SPIN1: variants seen among roughly 807,000 people sequenced by gnomAD.
The protein encoded by SPIN1 is spindlin 1, also known as spindlin-1.
Under a neutral mutation model 26.0 loss-of-function variants are expected in SPIN1, and 3 were observed. That is an observed-to-expected ratio of 0.12 (90% CI 0.05 to 0.30). The LOEUF (loss-of-function observed/expected upper bound fraction) is 0.30, where lower values mean the gene tolerates loss of function less well. Ranked by LOEUF, SPIN1 falls within the 10% of genes least tolerant of loss-of-function variation. The pLI is 1.00. For missense variants in SPIN1, 126 were observed against 333.4 expected (o/e 0.38, Z 4.84); for synonymous variants, 101 against 116.5 (o/e 0.87, Z 0.86).
rs561763008 is a variant in SPIN1, at chr9:88,462,371, C to T, written c.102-125C>T. The T allele has an allele frequency of 1.4e-5, 19 of 1,344,988 alleles. No homozygotes were observed. In the South Asian group the frequency reaches 2.3e-4, roughly 16 times the overall value. The allele number at this position is 1,344,988 out of a possible 1,614,324, so 83.3% of individuals were successfully genotyped here. On this transcript the variant is annotated intron_variant, in intron 3 of 5. Coordinates refer to ENST00000375859, the MANE Select transcript of SPIN1 (RefSeq NM_006717.3). The stretch of plus-strand genomic sequence containing the variant: ...TGAGTCACCTGAAGCAGGAATGTGG[C>T]AAACATGAGTTTGTACATATTTTGG...
At chr9:88,424,172 G>T (rs1464943203) in intron 1 of SPIN1, among the ~76,000 whole-genome samples, 1 of 152,168 alleles carries the variant, frequency 6.6e-6, no homozygotes, top group Non-Finnish European at 1.5e-5. Flanking sequence ...ATGTGGCTCA[G>T]AGATATTGCA....
chr9:88,458,990 T>C (rs1324529208), intron 3 of SPIN1, among the ~76,000 whole-genome samples: 2 of 152,220 alleles, frequency 1.3e-5, no homozygotes, highest in Non-Finnish European at 2.9e-5. Flanking sequence ...TGACCACATA[T>C]CTGACTACTG....
At chr9:88,433,485 A>G (rs887809329) in intron 2 of SPIN1, among the ~76,000 whole-genome samples, 2 of 152,104 alleles carry the variant, frequency 1.3e-5, no homozygotes, top group African/African-American at 4.8e-5. Context: ...GCTTTCCTTG[A>G]GTCTCTTGAT....
intron 1 of SPIN1, among the ~76,000 whole-genome samples, chr9:88,410,067 A>C (rs1827404026): frequency 6.6e-6 from 1 of 152,074 alleles, no homozygotes; most frequent in Non-Finnish European, 1.5e-5. Flanking sequence ...CTCAGGGACC[A>C]AAGTGGTTAT....
At chr9:88,468,722 T>C (rs1409910990) in intron 5 of SPIN1, 117 bp downstream of exon 5, 1 of 575,052 alleles carries the variant, frequency 1.7e-6, no homozygotes, top group Non-Finnish European at 2.7e-6. Context: ...TATGATTCTT[T>C]TAGTCATGCA....
At chr9:88,469,441 A>G (rs1209585638) in intron 5 of SPIN1, among the ~76,000 whole-genome samples, 1 of 152,202 alleles carries the variant, frequency 6.6e-6, no homozygotes, top group African/African-American at 2.4e-5. Context: ...TTCCACAACT[A>G]GTCTGTTCAC....
At chr9:88,412,000 T>C (rs1179504243) in intron 1 of SPIN1, among the ~76,000 whole-genome samples, 4 of 148,164 alleles carry the variant, frequency 2.7e-5, no homozygotes, top group Non-Finnish European at 5.9e-5. Context: ...TGAAACCCCG[T>C]CTCTACTAAA....
chr9:88,388,883 CGGGCGGGGAGGCCGGCGGGCAGG>C (rs1011582608), intron 1 of SPIN1, among the ~76,000 whole-genome samples: 28 of 149,860 alleles, frequency 1.9e-4, no homozygotes, highest in Middle Eastern at 7.0e-3. Flanking sequence ...TGTTTGGAGC[CGGGCGGGGAGGCCGGCGGGCAGG>C]GGGCGGCGGC....
intron 1 of SPIN1, among the ~76,000 whole-genome samples, chr9:88,408,459 C>T (rs555253100): frequency 6.2e-4 from 92 of 149,466 alleles, no homozygotes; most frequent in African/African-American, 2.1e-3. Context: ...CTAACTGCAA[C>T]CTCCGCCTCC....
chr9:88,461,420 C>T (rs1323333300), intron 3 of SPIN1, among the ~76,000 whole-genome samples: 1 of 152,154 alleles, frequency 6.6e-6, no homozygotes, highest in African/African-American at 2.4e-5. Flanking sequence ...GGCGAGTACT[C>T]CTTATTGTCT....
intron 3 of SPIN1, among the ~76,000 whole-genome samples, chr9:88,459,057 T>A (rs1406467689): frequency 6.6e-6 from 1 of 151,906 alleles, no homozygotes; most frequent in African/African-American, 2.4e-5. Flanking sequence ...GATGCTGTAT[T>A]TGCTTATAAT....
chr9:88,441,181 T>C (rs1828116299), intron 2 of SPIN1, among the ~76,000 whole-genome samples: 1 of 151,864 alleles, frequency 6.6e-6, no homozygotes, highest in African/African-American at 2.4e-5. Flanking sequence ...ATAACTTTTG[T>C]ATTTGGCATT....
intron 1 of SPIN1, among the ~76,000 whole-genome samples, chr9:88,412,508 G>A (rs1159192815): frequency 6.6e-6 from 1 of 152,098 alleles, no homozygotes; most frequent in Non-Finnish European, 1.5e-5. Flanking sequence ...CATAGGTTTG[G>A]GCAGAGGGGG....
At chr9:88,460,119 G>C (rs546978059) in intron 3 of SPIN1, among the ~76,000 whole-genome samples, 4 of 152,196 alleles carry the variant, frequency 2.6e-5, no homozygotes, top group African/African-American at 9.6e-5. Flanking sequence ...TTTGTTTCAG[G>C]AACGTTTTCT....
intron 2 of SPIN1, among the ~76,000 whole-genome samples, chr9:88,436,093 T>C (rs550542262): frequency 7.7e-4 from 118 of 152,296 alleles, no homozygotes; most frequent in Non-Finnish European, 1.5e-3. Flanking sequence ...CTTACTGTTT[T>C]CTAGCCCAGT....
intron 1 of SPIN1, among the ~76,000 whole-genome samples, chr9:88,405,348 C>T (rs988612195): frequency 6.6e-6 from 1 of 151,546 alleles, no homozygotes; most frequent in Non-Finnish European, 1.5e-5. Context: ...CCTGCCTCAG[C>T]CTCCCGAGTA....
At chr9:88,469,683 TTTTG>T (rs777187657) in intron 5 of SPIN1, among the ~76,000 whole-genome samples, 30 of 152,126 alleles carry the variant, frequency 2.0e-4, no homozygotes, top group African/African-American at 3.6e-4. Context: ...CCTGGTTAAT[TTTTG>T]TTTGTTTGTT....
Position 88,407,374 on chromosome 9 carries a change from A to G in SPIN1, c.-159+18836A>G, listed in dbSNP as rs557050410. Among the ~76,000 whole-genome samples, 23 of 151,794 alleles carry G rather than the reference A, an allele frequency of 1.5e-4. 1 individual carries two copies. The highest frequency in any genetic ancestry group is 1.5e-3 in the Admixed American group (23 of 15,254). The stretch of plus-strand genomic sequence containing the variant: ...TGCCCAGGCTGGTCTTGAACTGCTG[A>G]TCCCTAGTGATCCATCTGCTTGGCC... On this transcript the variant is annotated intron_variant, in intron 1 of 5. Coordinates refer to ENST00000375859, the MANE Select transcript of SPIN1 (RefSeq NM_006717.3).
chr9:88,472,458 T>C (rs1040952758), intron 5 of SPIN1, among the ~76,000 whole-genome samples: 2 of 151,922 alleles, frequency 1.3e-5, no homozygotes, highest in Non-Finnish European at 2.9e-5. Flanking sequence ...GGTCTCGATC[T>C]CCTGACCTCA....
Sources: gnomAD v4.1 joint callset for allele counts (sites outside exome capture counted in the v4.1 genomes callset) on GRCh38, gnomAD v4.1.1 for gene constraint, MANE v1.5 for transcripts, NCBI Gene and HGNC (gene_info 2026-07-23, HGNC 2026-07-21) for gene names.